The following RCC1L variants were observed in gnomAD, a reference collection of about 807,000 sequenced individuals.
RCC1L encodes the protein RCC1 like, also known as RCC1-like G exchanging factor-like protein.
A neutral mutation model predicts 58.6 loss-of-function variants in RCC1L; 46 were observed. The ratio of observed to expected loss-of-function variants is 0.79; its 90% CI spans 0.62 to 1.00. RCC1L has a LOEUF of 1.00. Among genes scored for constraint, RCC1L ranks in the 50% least tolerant of loss-of-function variants. RCC1L has a pLI of 0.00. For missense variants in RCC1L, 636 were observed against 623.6 expected, an observed-to-expected ratio of 1.02 and a Z score of -0.21; for synonymous variants, 281 against 262.9, an observed-to-expected ratio of 1.07 and a Z score of -0.67.
intron 10 of RCC1L, among the ~76,000 whole-genome samples, chr7:75,028,433 T>C (rs1358280480): frequency 6.6e-6 from 1 of 152,104 alleles, no homozygotes; most frequent in Non-Finnish European, 1.5e-5. Context: ...ATGGAATTTC[T>C]AGGGGTGAGC....
At chr7:75,029,502 C>T (rs1307987817) in intron 10 of RCC1L, among the ~76,000 whole-genome samples, 3 of 151,932 alleles carry the variant, frequency 2.0e-5, no homozygotes, top group Non-Finnish European at 4.4e-5. Context: ...CACCACCACG[C>T]TCGGCTAATT....
intron 4 of RCC1L, among the ~76,000 whole-genome samples, chr7:75,064,328 C>CAA (rs71519353): frequency 1.5e-5 from 2 of 136,000 alleles, no homozygotes; most frequent in Non-Finnish European, 3.1e-5. Flanking sequence ...GAGTCCATCT[C>CAA]AAAAAAAAAA....
chr7:75,066,640 T>A, intron 3 of RCC1L, 24 bp downstream of exon 3: 2 of 1,608,398 alleles, frequency 1.2e-6, no homozygotes, highest in South Asian at 2.2e-5. Context: ...CACTCTTCCA[T>A]CACCCTTCAA....
At chr7:75,046,227 C>CA (rs1445272156) in intron 10 of RCC1L, among the ~76,000 whole-genome samples, 2 of 152,216 alleles carry the variant, frequency 1.3e-5, no homozygotes, top group African/African-American at 4.8e-5. Context: ...AATCACTAAA[C>CA]AAACAAGAAC....
At chr7:75,054,881 T>C (rs1806025800) in intron 9 of RCC1L, among the ~76,000 whole-genome samples, 1 of 152,232 alleles carries the variant, frequency 6.6e-6, no homozygotes, top group East Asian at 1.9e-4. Context: ...TCATGACCAC[T>C]GCCACTTCAG....
chr7:75,042,139 A>G, downstream of RCC1L: 5 of 980,546 alleles, frequency 5.1e-6, no homozygotes, highest in South Asian at 1.9e-4. Flanking sequence ...ATAAAAGCAA[A>G]ACTCTAAATG....
rs2131999765 is a variant in RCC1L at position 75,061,278 on chromosome 7, TG to T, written c.715del (p.Gln239ArgfsTer7). ...ATCCGTCAGGAACAGACTATGATCC[TG>T]ACCACAGGCGACCTAGCAGACAAAC... Reference protein sequence around the residue: ...DGQVVQVACGQDHSLFLTDKG... With the variant: ...DGQVVQVACGXDHSLFLTDKG... On this transcript the variant is annotated frameshift_variant, in exon 6 of 11. Transcript: ENST00000610322. LOFTEE classifies it high-confidence loss of function. 1 of 1,613,716 alleles carries T rather than the reference TG, an allele frequency of 6.2e-7. No homozygotes were observed. Among genetic ancestry groups the T allele is most frequent in the East Asian group, 2.2e-5 (1 of 44,866 alleles).
At chr7:75,041,221 AC>A (rs1805554356), downstream of RCC1L, among the ~76,000 whole-genome samples, 3 of 150,908 alleles carry the variant, frequency 2.0e-5, no homozygotes, top group Admixed American at 2.0e-4. Flanking sequence ...CTCATAACTA[AC>A]TAACTAACTA....
Position 75,061,246 on chromosome 7 carries a change from C to G in RCC1L, c.748G>C (p.Glu250Gln). ...DHSLFLTDKG[E>Q]VYSCGWGADG... ...GCACCCCATCCACAAGAATAGACTT[C>G]TCCTTTATCCGTCAGGAACAGACTA... Residue 250 changes from glutamate to glutamine, a missense_variant, in exon 6 of 11, where the codon GAA becomes CAA. Transcript: ENST00000610322. 1.2e-6 allele frequency: 2 copies of G among 1,613,828 alleles called. No homozygotes were observed. Among genetic ancestry groups the G allele is most frequent in the Non-Finnish European group, 1.7e-6 (2 of 1,179,840 alleles).
chr7:75,045,417 T>C (rs1805690043), intron 10 of RCC1L, among the ~76,000 whole-genome samples: 1 of 152,156 alleles, frequency 6.6e-6, no homozygotes, highest in African/African-American at 2.4e-5. Context: ...TGGGCTCAAG[T>C]GATTCTCCTG....
intron 10 of RCC1L, among the ~76,000 whole-genome samples, chr7:75,034,099 A>G (rs2131968708): frequency 6.6e-6 from 1 of 152,256 alleles, no homozygotes; most frequent in South Asian, 2.1e-4. Context: ...GTTTGCGAAA[A>G]ACCACTGAGC....
chr7:75,039,484 T>A (rs944282196), downstream of RCC1L, among the ~76,000 whole-genome samples: 262 of 152,314 alleles, frequency 1.7e-3, 2 homozygotes, highest in African/African-American at 5.7e-3. Flanking sequence ...TGAGCTTGGA[T>A]TAGCTGTGAA....
chr7:75,048,887 A>T (rs939093120), intron 10 of RCC1L, among the ~76,000 whole-genome samples: 1 of 152,168 alleles, frequency 6.6e-6, no homozygotes, highest in Non-Finnish European at 1.5e-5. Context: ...ACTGAGTCCA[A>T]ATCCTGGCTC....
At chr7:75,044,367 G>C (rs1805654324) in intron 10 of RCC1L, among the ~76,000 whole-genome samples, 1 of 152,104 alleles carries the variant, frequency 6.6e-6, no homozygotes, top group Non-Finnish European at 1.5e-5. Flanking sequence ...TTGGGAGGCT[G>C]AGGTGGACTC....
intron 9 of RCC1L, among the ~76,000 whole-genome samples, chr7:75,053,388 C>A (rs1805980667): frequency 6.6e-6 from 1 of 152,114 alleles, no homozygotes; most frequent in Non-Finnish European, 1.5e-5. Context: ...TTCCACAAAT[C>A]CTGGCGACAC....
chr7:75,035,277 C>T (rs934415099), intron 10 of RCC1L, among the ~76,000 whole-genome samples: 48 of 152,246 alleles, frequency 3.2e-4, no homozygotes, highest in African/African-American at 1.1e-3. Context: ...GTGATCCGCC[C>T]GCCTCGGCCT....
intron 10 of RCC1L, among the ~76,000 whole-genome samples, chr7:75,037,078 C>T (rs995212902): frequency 6.6e-6 from 1 of 152,190 alleles, no homozygotes; most frequent in African/African-American, 2.4e-5. Context: ...TCCTGGGATT[C>T]AGCTGCCACT....
intron 10 of RCC1L, among the ~76,000 whole-genome samples, chr7:75,032,302 G>C (rs1487594767): frequency 6.6e-6 from 1 of 152,236 alleles, no homozygotes; most frequent in African/African-American, 2.4e-5. Context: ...CTGGCCGAAG[G>C]GTCTCTGACC....
intron 5 of RCC1L, among the ~76,000 whole-genome samples, chr7:75,062,244 C>T (rs1454415756): frequency 5.2e-5 from 2 of 38,594 alleles, no homozygotes; most frequent in African/African-American, 2.7e-4. Context: ...GGAGGCCTGA[C>T]ATGGTGGCTT....
Sources: allele counts gnomAD v4.1 joint callset (sites outside exome capture counted in the v4.1 genomes callset), GRCh38; gene constraint gnomAD v4.1.1; transcripts MANE v1.5; gene names NCBI Gene and HGNC (gene_info 2026-07-23, HGNC 2026-07-21).